The following DLGAP1 variants were observed in gnomAD, a reference collection of about 807,000 sequenced individuals.
DLGAP1 encodes the protein DLG associated protein 1, also known as disks large-associated protein 1.
DLGAP1 carries 11 observed loss-of-function variants against 90.8 expected under a neutral mutation model. The ratio of observed to expected loss-of-function variants is 0.12; its 90% CI spans 0.08 to 0.20. The LOEUF is 0.20. Among genes scored for constraint, DLGAP1 ranks in the 10% least tolerant of loss-of-function variants. DLGAP1 has a pLI of 1.00. For synonymous variants in DLGAP1, 558 were observed against 540.7 expected, an observed-to-expected ratio of 1.03 and a Z score of -0.44; for missense variants, 1,050 against 1,333.8, an observed-to-expected ratio of 0.79 and a Z score of 3.31.
At chr18:3,734,829 T>C (rs1359704712) in intron 6 of DLGAP1, among the ~76,000 whole-genome samples, 1 of 152,210 alleles carries the variant, frequency 6.6e-6, no homozygotes, top group East Asian at 1.9e-4. Flanking sequence ...TTTTTGTTAA[T>C]GTGTGTCAAT....
chr18:3,993,876 G>A (rs951386715), intron 3 of DLGAP1, among the ~76,000 whole-genome samples: 12 of 152,060 alleles, frequency 7.9e-5, no homozygotes, highest in African/African-American at 2.2e-4. Flanking sequence ...AGAAGATAAA[G>A]TTTTAGTTTT....
intron 7 of DLGAP1, among the ~76,000 whole-genome samples, chr18:3,723,846 C>T (rs555538739): frequency 1.3e-5 from 2 of 152,240 alleles, no homozygotes; most frequent in South Asian, 2.1e-4. Flanking sequence ...TATGATTTCT[C>T]CTGTTACAAA....
intron 7 of DLGAP1, among the ~76,000 whole-genome samples, chr18:3,707,548 C>T (rs975090058): frequency 6.6e-6 from 1 of 150,848 alleles, no homozygotes; most frequent in Non-Finnish European, 1.5e-5. Context: ...TGCAGTGAGC[C>T]GAGATCACGC....
At chr18:4,260,267 A>C (rs539299075) in intron 1 of DLGAP1, among the ~76,000 whole-genome samples, 2 of 152,316 alleles carry the variant, frequency 1.3e-5, no homozygotes, top group Admixed American at 1.3e-4. Flanking sequence ...TGCTGAGGGA[A>C]CACAAAGGCA....
At chr18:4,228,998 C>T (rs2145036806) in intron 1 of DLGAP1, among the ~76,000 whole-genome samples, 1 of 152,050 alleles carries the variant, frequency 6.6e-6, no homozygotes, top group South Asian at 2.1e-4. Flanking sequence ...TTGAAGGATA[C>T]AAAATCAACA....
chr18:3,582,981 C>G (rs919483441), intron 7 of DLGAP1, among the ~76,000 whole-genome samples: 1 of 151,788 alleles, frequency 6.6e-6, no homozygotes, highest in Non-Finnish European at 1.5e-5. Flanking sequence ...GTCTTGAACT[C>G]TGGGCTCAAG....
At chr18:3,659,209 A>C (rs2059597044) in intron 7 of DLGAP1, among the ~76,000 whole-genome samples, 1 of 152,168 alleles carries the variant, frequency 6.6e-6, no homozygotes, top group African/African-American at 2.4e-5. Context: ...ACGAGTGGGA[A>C]AGATCATTTA....
chr18:3,638,242 C>A (rs10468746), intron 7 of DLGAP1, among the ~76,000 whole-genome samples: 4 of 139,156 alleles, frequency 2.9e-5, no homozygotes, highest in Non-Finnish European at 6.1e-5. Flanking sequence ...CCACCGTGCC[C>A]GGCCCTTTTT....
chr18:4,439,669 C>G (rs982160003), intron 1 of DLGAP1, among the ~76,000 whole-genome samples: 7 of 151,988 alleles, frequency 4.6e-5, no homozygotes, highest in Non-Finnish European at 8.8e-5. Context: ...ACTAGCCAGG[C>G]ATGGTGGCAC....
chr18:3,745,617 C>A (rs2147744977), intron 5 of DLGAP1, among the ~76,000 whole-genome samples: 1 of 152,058 alleles, frequency 6.6e-6, no homozygotes, highest in East Asian at 1.9e-4. Flanking sequence ...CTAAGAACAG[C>A]CAGAAAATAA....
intron 3 of DLGAP1, among the ~76,000 whole-genome samples, chr18:3,938,749 G>A (rs889897903): frequency 2.0e-5 from 3 of 152,164 alleles, no homozygotes; most frequent in Non-Finnish European, 2.9e-5. Context: ...TGCAGACCAC[G>A]TGGGGCCCAT....
intron 1 of DLGAP1, among the ~76,000 whole-genome samples, chr18:4,297,738 T>C (rs2080017893): frequency 6.6e-6 from 1 of 152,120 alleles, no homozygotes; most frequent in South Asian, 2.1e-4. Flanking sequence ...TAACAGATAA[T>C]TAATTTCTCC....
chr18:4,361,954 T>C (rs2081639350), intron 1 of DLGAP1, among the ~76,000 whole-genome samples: 1 of 152,130 alleles, frequency 6.6e-6, no homozygotes, highest in Admixed American at 6.6e-5. Context: ...AAGGAAGATA[T>C]ACGCATGGCC....
chr18:4,005,228 G>C (rs529532583), intron 2 of DLGAP1, 27 bp from the exon 3 acceptor site: 1 of 152,206 alleles, frequency 6.6e-6, no homozygotes, highest in South Asian at 2.1e-4. Flanking sequence ...GCATGTTTTA[G>C]TCTCCTGGTC....
At chr18:4,083,243 TTGACCAAA>T (rs2075637698) in intron 2 of DLGAP1, among the ~76,000 whole-genome samples, 1 of 152,224 alleles carries the variant, frequency 6.6e-6, no homozygotes, top group Admixed American at 6.5e-5. Context: ...GTTTTGGTTT[TTGACCAAA>T]TGACTTTAAT....
intron 7 of DLGAP1, among the ~76,000 whole-genome samples, chr18:3,690,089 G>T (rs1052771491): frequency 5.1e-5 from 7 of 137,640 alleles, no homozygotes; most frequent in Non-Finnish European, 1.1e-4. Flanking sequence ...TGCGGGCTGG[G>T]TGAGGTTTTT....
At chr18:4,188,294 G>A (rs1261354253) in intron 1 of DLGAP1, among the ~76,000 whole-genome samples, 1 of 152,022 alleles carries the variant, frequency 6.6e-6, no homozygotes, top group East Asian at 1.9e-4. Flanking sequence ...CTGAAAATAT[G>A]TTAGGCAATA....
chr18:4,175,132 G>A (rs2077085453), intron 1 of DLGAP1, among the ~76,000 whole-genome samples: 1 of 152,112 alleles, frequency 6.6e-6, no homozygotes, highest in South Asian at 2.1e-4. Flanking sequence ...GTGTGAGATG[G>A]TATCTCATTG....
intron 3 of DLGAP1, among the ~76,000 whole-genome samples, chr18:3,972,444 A>G (rs2073472198): frequency 6.6e-6 from 1 of 152,074 alleles, no homozygotes; most frequent in Non-Finnish European, 1.5e-5. Flanking sequence ...TTCTGTCTTC[A>G]GTTATTTATA....
Sources: gnomAD v4.1 joint callset for allele counts (sites outside exome capture counted in the v4.1 genomes callset) on GRCh38, gnomAD v4.1.1 for gene constraint, MANE v1.5 for transcripts, NCBI Gene and HGNC (gene_info 2026-07-23, HGNC 2026-07-21) for gene names.